Variants in GAP43 observed in about 807,000 individuals in gnomAD.
GAP43 encodes the protein neuromodulin.
Under a neutral mutation model 18.6 loss-of-function variants are expected in GAP43, and 6 were observed. The observed-to-expected ratio is 0.32, with a 90% CI of 0.18 to 0.64. The LOEUF is 0.64. GAP43 is among the 30% of genes least tolerant of loss of function. GAP43 has a pLI of 0.78. For synonymous variants in GAP43, 115 were observed against 111.4 expected (o/e 1.03, Z -0.20); for missense variants, 292 against 295.5 (o/e 0.99, Z 0.09).
chr3:115,634,184 A>T (rs779251462), intron 1 of GAP43, among the ~76,000 whole-genome samples: 14 of 152,268 alleles, frequency 9.2e-5, no homozygotes, highest in Non-Finnish European at 1.6e-4. Context: ...AATAAACAAA[A>T]TGATCTCCAA....
At chr3:115,720,481 A>T (rs1195987643) in intron 2 of GAP43, among the ~76,000 whole-genome samples, 1 of 152,194 alleles carries the variant, frequency 6.6e-6, no homozygotes, top group African/African-American at 2.4e-5. Flanking sequence ...CTATGTGAAG[A>T]TCCTGTATGT....
At chr3:115,705,995 C>T (rs1709358529) in intron 2 of GAP43, among the ~76,000 whole-genome samples, 2 of 152,072 alleles carry the variant, frequency 1.3e-5, no homozygotes, top group Non-Finnish European at 2.9e-5. Flanking sequence ...ACTTCCTACC[C>T]CATTCTGATT....
chr3:115,720,759 C>G, intron 2 of GAP43, 35 bp from the exon 3 acceptor site: 3 of 1,460,950 alleles, frequency 2.1e-6, no homozygotes, highest in Non-Finnish European at 2.9e-6. Flanking sequence ...TAATTCTCTC[C>G]TTTTCCCCCC....
intron 2 of GAP43, among the ~76,000 whole-genome samples, chr3:115,686,901 G>A (rs557743864): frequency 3.9e-5 from 6 of 152,074 alleles, no homozygotes; most frequent in South Asian, 2.1e-4. Flanking sequence ...GATGCTTTTC[G>A]TGCTAGGAGG....
intron 1 of GAP43, among the ~76,000 whole-genome samples, chr3:115,634,769 CAAAAT>C (rs1708308127): frequency 6.6e-6 from 1 of 151,454 alleles, no homozygotes; most frequent in Non-Finnish European, 1.5e-5. Flanking sequence ...GACTCTGTCT[CAAAAT>C]AAATAAATAA....
intron 2 of GAP43, among the ~76,000 whole-genome samples, chr3:115,714,523 A>G (rs768254758): frequency 1.3e-5 from 2 of 152,146 alleles, no homozygotes; most frequent in Admixed American, 6.5e-5. Context: ...AAATAATTTA[A>G]TCAAGTTTTT....
intron 2 of GAP43, among the ~76,000 whole-genome samples, chr3:115,711,254 G>A (rs1194396972): frequency 2.0e-5 from 3 of 152,034 alleles, no homozygotes; most frequent in Non-Finnish European, 4.4e-5. Flanking sequence ...GCACGTGCAC[G>A]CATGTATTTG....
chr3:115,623,580 G>A lies in GAP43; in HGVS notation c.-110G>A, dbSNP rs566998424. The stretch of plus-strand genomic sequence containing the variant: ...AGGGAGGGAGAGAGAGCGCGCTAGC[G>A]CGAGAGAGCGAGTGAGCAAGCGAGC... On this transcript the variant is annotated 5_prime_UTR_variant, in exon 1 of 3. Coordinates refer to ENST00000305124, the MANE Select transcript of GAP43 (RefSeq NM_002045.4). 2 of 1,417,554 alleles carry A rather than the reference G, an allele frequency of 1.4e-6. No homozygotes were observed. The highest frequency in any genetic ancestry group is 1.4e-5 in the African/African-American group (1 of 70,352). The allele number at this position is 1,417,554 out of a possible 1,614,324, so 87.8% of individuals were successfully genotyped here.
At chr3:115,659,217 G>GAACA (rs1708626341) in intron 1 of GAP43, among the ~76,000 whole-genome samples, 1 of 152,170 alleles carries the variant, frequency 6.6e-6, no homozygotes, top group Non-Finnish European at 1.5e-5. Flanking sequence ...GCACAGGAAG[G>GAACA]AACAAACAGC....
chr3:115,634,538 G>A (rs920012774), intron 1 of GAP43, among the ~76,000 whole-genome samples: 2 of 152,110 alleles, frequency 1.3e-5, no homozygotes, highest in Non-Finnish European at 2.9e-5. Context: ...AAATTCGGGA[G>A]GCTGAGGCTG....
chr3:115,708,775 C>T (rs1302470436), intron 2 of GAP43, among the ~76,000 whole-genome samples: 1 of 152,076 alleles, frequency 6.6e-6, no homozygotes, highest in Admixed American at 6.6e-5. Flanking sequence ...ACACCTCTGG[C>T]AGCTGGGGGA....
intron 2 of GAP43, among the ~76,000 whole-genome samples, chr3:115,714,035 T>C (rs1315392122): frequency 3.3e-5 from 5 of 152,218 alleles, no homozygotes; most frequent in East Asian, 3.8e-4. Context: ...CAACACATTA[T>C]TACAGTAATT....
chr3:115,717,958 C>T (rs1479936371), intron 2 of GAP43, among the ~76,000 whole-genome samples: 1 of 152,120 alleles, frequency 6.6e-6, no homozygotes, highest in Non-Finnish European at 1.5e-5. Flanking sequence ...AACAAGGGAA[C>T]AGAAAGTGTA....
chr3:115,663,484 TTCCCTGCTC>T (rs1708692616), intron 1 of GAP43: 2 of 1,141,344 alleles, frequency 1.8e-6, no homozygotes, highest in African/African-American at 1.6e-5. Context: ...CAGTATTGCT[TTCCCTGCTC>T]TCTGATATTT....
chr3:115,645,094 G>T (rs949577935), intron 1 of GAP43, among the ~76,000 whole-genome samples: 1 of 151,968 alleles, frequency 6.6e-6, no homozygotes, highest in African/African-American at 2.4e-5. Flanking sequence ...TATCTCAAGA[G>T]TTAGAAGAAA....
intron 2 of GAP43, among the ~76,000 whole-genome samples, chr3:115,683,147 GCA>G (rs869219452): frequency 0.077 from 9,816 of 127,220 alleles, 364 homozygotes; most frequent in East Asian, 0.13. Context: ...GCGCGCGCGC[GCA>G]CACACACACA....
intron 2 of GAP43, among the ~76,000 whole-genome samples, chr3:115,696,961 T>G (rs893375016): frequency 6.6e-6 from 1 of 151,902 alleles, no homozygotes; most frequent in Admixed American, 6.6e-5. Context: ...GCCTCCTGAG[T>G]AGCAGGCACT....
chr3:115,636,303 A>T (rs1576977674), intron 1 of GAP43, among the ~76,000 whole-genome samples: 1 of 152,120 alleles, frequency 6.6e-6, no homozygotes, highest in African/African-American at 2.4e-5. Context: ...TAACAGAAAT[A>T]ATTGATTACT....
chr3:115,673,752 G>A (rs182329478), intron 1 of GAP43, among the ~76,000 whole-genome samples: 10 of 152,308 alleles, frequency 6.6e-5, no homozygotes, highest in East Asian at 1.9e-4. Context: ...GCAGGTTAGC[G>A]AGAAGGTGAT....
Sources: allele counts gnomAD v4.1 joint callset (sites outside exome capture counted in the v4.1 genomes callset), GRCh38; gene constraint gnomAD v4.1.1; transcripts MANE v1.5; gene names NCBI Gene and HGNC (gene_info 2026-07-23, HGNC 2026-07-21).